Variants in CSE1L observed in about 807,000 individuals in gnomAD.
The protein encoded by CSE1L is chromosome segregation 1 like.
A neutral mutation model predicts 120.4 loss-of-function variants in CSE1L; 24 were observed. The observed-to-expected ratio is 0.20, with a 90% confidence interval of 0.14 to 0.28. CSE1L has a LOEUF of 0.28. CSE1L is among the 10% of genes least tolerant of loss of function. The probability of loss-of-function intolerance (pLI) is 1.00; values close to 1 mark genes in which losing one functional copy is unlikely to be tolerated. For synonymous variants in CSE1L, 402 were observed against 398.3 expected, an observed-to-expected ratio of 1.01 and a Z score of -0.11; for missense variants, 830 against 1,145.2, an observed-to-expected ratio of 0.72 and a Z score of 3.97.
chr20:49,047,618 C>T (rs1270351108), intron 1 of CSE1L, among the ~76,000 whole-genome samples: 1 of 119,062 alleles, frequency 8.4e-6, no homozygotes, highest in Non-Finnish European at 1.7e-5. Flanking sequence ...GCTCTGCCTC[C>T]CAGGCTGGAG....
At chr20:49,091,170 C>T (rs1474588337) in intron 21 of CSE1L, 148 bp downstream of exon 21, 11 of 642,922 alleles carry the variant, frequency 1.7e-5, no homozygotes, top group South Asian at 6.0e-5. Flanking sequence ...TGCCTGTAAT[C>T]GCAGCACTTT....
At chr20:49,070,174 C>A in intron 7 of CSE1L, 31 bp from the exon 8 acceptor site, 3 of 1,045,952 alleles carry the variant, frequency 2.9e-6, no homozygotes, top group South Asian at 3.0e-5. Flanking sequence ...ATATTTTAAT[C>A]AAAAGTTTCA....
At chr20:49,075,202 T>A in intron 11 of CSE1L, 116 bp from the exon 12 acceptor site, 1 of 846,002 alleles carries the variant, frequency 1.2e-6, no homozygotes, top group Non-Finnish European at 1.8e-6. Context: ...CGTTCTTTTT[T>A]TTCCGTTTTA....
intron 2 of CSE1L, among the ~76,000 whole-genome samples, chr20:49,058,937 C>T (rs1448172685): frequency 6.6e-6 from 1 of 151,906 alleles, no homozygotes; most frequent in Non-Finnish European, 1.5e-5. Flanking sequence ...GGAGACCATC[C>T]TGGCTAACAC....
intron 15 of CSE1L, among the ~76,000 whole-genome samples, 188 bp downstream of exon 15, chr20:49,084,350 A>G (rs534571543): frequency 1.3e-5 from 2 of 152,352 alleles, no homozygotes; most frequent in South Asian, 4.1e-4. Context: ...TGACAATACA[A>G]TTTAATAAAC....
At chr20:49,068,256 T>A (rs1007720170) in intron 6 of CSE1L, among the ~76,000 whole-genome samples, 1 of 152,118 alleles carries the variant, frequency 6.6e-6, no homozygotes. Flanking sequence ...AAATACATAC[T>A]TTAACCTATT....
chr20:49,047,447 G>C (rs574303989), intron 1 of CSE1L, among the ~76,000 whole-genome samples: 1 of 151,360 alleles, frequency 6.6e-6, no homozygotes, highest in Non-Finnish European at 1.5e-5. Flanking sequence ...CCTTTTGTTT[G>C]CTGGGGAAGT....
chr20:49,070,103 A>AAAC (rs751937196), intron 7 of CSE1L, 102 bp from the exon 8 acceptor site: 4 of 591,976 alleles, frequency 6.8e-6, no homozygotes, highest in Non-Finnish European at 1.2e-5. Flanking sequence ...TCAGGCTGTG[A>AAAC]AGCCTGTGTA....
Position 49,075,334 on chromosome 20 carries a change from C to G in CSE1L, c.1149C>G (p.Arg383=). The change falls in exon 12 of 25, where the codon CGC becomes CGG. Residue 383 remains arginine (R), a synonymous_variant. Coordinates refer to ENST00000262982, the MANE Select transcript of CSE1L (RefSeq NM_001316.4). ...DLEGSDIDTR[R]RAACDLVRGL... ...ATTTCATAGATATTGATACTAGACG[C>G]AGGGCTGCTTGTGATCTGGTACGAG... 1 of 1,613,574 alleles carries G rather than the reference C, an allele frequency of 6.2e-7. No individual in the cohort carries two copies. The highest frequency in any genetic ancestry group is 1.1e-5 in the South Asian group (1 of 91,052).
At position 49,089,727 on chromosome 20, in the gene CSE1L, G is replaced by C; in HGVS notation, c.2162G>C (p.Ser721Thr). 6.2e-7 allele frequency: 1 copy of C among 1,614,166 alleles called. No individual in the cohort carries two copies. Among genetic ancestry groups the C allele is most frequent in the Non-Finnish European group, 8.5e-7 (1 of 1,179,992 alleles). ...FLERGSNTIA[S>T]AAADKIPGLL... is the part of the protein sequence containing the mutation. ...GAACGCGGTTCAAACACAATAGCAAGTGCTGCAGCTGACAAAATTGTGCGT... is the reference window on the plus strand; with the variant it reads ...GAACGCGGTTCAAACACAATAGCAACTGCTGCAGCTGACAAAATTGTGCGT... Residue 721 changes from serine (S) to threonine (T), a missense_variant, in exon 19 of 25, where the codon AGT becomes ACT. Ser to Thr is a moderately conservative substitution (Grantham distance 58). Around this residue, in one of 4 missense-constraint regions of CSE1L, gnomAD observed 168 missense variants for 267.9 expected, o/e 0.63. Coordinates refer to ENST00000262982, the MANE Select transcript of CSE1L (RefSeq NM_001316.4).
chr20:49,048,084 T>C (rs1357904743), intron 1 of CSE1L, among the ~76,000 whole-genome samples: 1 of 151,914 alleles, frequency 6.6e-6, no homozygotes, highest in African/African-American at 2.4e-5. Flanking sequence ...CACCAATTGC[T>C]CTTTTTCTCA....
intron 16 of CSE1L, among the ~76,000 whole-genome samples, chr20:49,086,107 C>T (rs763622934): frequency 1.6e-4 from 24 of 152,102 alleles, no homozygotes; most frequent in Non-Finnish European, 3.4e-4. Flanking sequence ...GTGTATCCAT[C>T]CACCAGGCAC....
intron 1 of CSE1L, among the ~76,000 whole-genome samples, chr20:49,047,564 C>CTTTTTGTTTTTTTTTTTTTTT (rs2091726874): frequency 1.4e-5 from 1 of 69,928 alleles, no homozygotes; most frequent in Admixed American, 1.4e-4. Flanking sequence ...TTTCTCTTTT[C>CTTTTTGTTTTTTTTTTTTTTT]TTTTTTTTTT....
At chr20:49,078,446 CTG>C (rs1336673337) in intron 13 of CSE1L, 113 bp from the exon 14 acceptor site, 4 of 674,470 alleles carry the variant, frequency 5.9e-6, no homozygotes, top group East Asian at 6.0e-5. Context: ...ATATAATTAA[CTG>C]TGCTTTAATT....
chr20:49,054,235 C>G (rs1046455917), intron 1 of CSE1L, among the ~76,000 whole-genome samples: 9 of 152,184 alleles, frequency 5.9e-5, no homozygotes, highest in African/African-American at 2.2e-4. Context: ...AACACATTTT[C>G]TAATTAAGGG....
rs776651417 is a variant in CSE1L, at chr20:49,096,382, G to A, written c.2860G>A (p.Glu954Lys). The change falls in exon 25 of 25, where the codon GAA becomes AAA. Residue 954 changes from glutamate (E) to lysine (K), a missense_variant. This residue lies in a region of CSE1L where 112 missense variants were observed against 200.0 expected (regional missense o/e 0.56). Coordinates refer to ENST00000262982, the MANE Select transcript of CSE1L (RefSeq NM_001316.4). ...PSMVSTSLNAEALQYLQGYLQ... is the reference protein window; with the variant it reads ...PSMVSTSLNAKALQYLQGYLQ... Reference sequence around the variant, plus strand: ...AATGGTGAGCACCAGCCTGAATGCAGAAGCGCTCCAGTATCTCCAAGGGTA... The same window carrying A: ...AATGGTGAGCACCAGCCTGAATGCAAAAGCGCTCCAGTATCTCCAAGGGTA... 6.2e-7 allele frequency: 1 copy of A among 1,614,158 alleles called. No individual in the cohort carries two copies. Among genetic ancestry groups the A allele is most frequent in the Non-Finnish European group, 8.5e-7 (1 of 1,180,016 alleles).
chr20:49,053,606 C>T (rs2123651983), intron 1 of CSE1L, among the ~76,000 whole-genome samples: 1 of 152,100 alleles, frequency 6.6e-6, no homozygotes. Flanking sequence ...CCCTCTCAGC[C>T]TCCCAGAGTG....
At chr20:49,053,162 TTTTTTTTTTA>T (rs1276913363) in intron 1 of CSE1L, among the ~76,000 whole-genome samples, 4 of 135,422 alleles carry the variant, frequency 3.0e-5, no homozygotes, top group South Asian at 2.3e-4. Context: ...TTTTTTTTTT[TTTTTTTTTTA>T]AAGACAAAAT....
rs1353996079 is a variant in CSE1L, at chr20:49,078,632, T to A, written c.1482+10T>A. On this transcript the variant is annotated intron_variant, in intron 14 of 24. Transcript: ENST00000262982. ...GATTTTTAGAAATCAAGTAAGTAGC[T>A]TTTTATTTGTTACACGCCACTTAAT... is the stretch of plus-strand genomic sequence containing the variant. 27 of 1,527,228 alleles carry A rather than the reference T, an allele frequency of 1.8e-5. No individual in the cohort carries two copies. The highest frequency in any genetic ancestry group is 2.4e-5 in the Non-Finnish European group (27 of 1,121,114). 94.6% of individuals were successfully genotyped at this position (1,527,228 alleles called of 1,614,324 possible).
Sources: gnomAD v4.1 joint callset for allele counts (sites outside exome capture counted in the v4.1 genomes callset) on GRCh38, gnomAD v4.1.1 for gene constraint, gnomAD v4.1.1 regional missense constraint, MANE v1.5 for transcripts, NCBI Gene and HGNC (gene_info 2026-07-23, HGNC 2026-07-21) for gene names.